The following MYLK3 variants were observed in gnomAD, a reference collection of about 807,000 sequenced individuals.
MYLK3 encodes MLC kinase.
A neutral mutation model predicts 76.3 loss-of-function variants in MYLK3; 55 were observed. The observed-to-expected ratio is 0.72, with a 90% confidence interval of 0.58 to 0.90. MYLK3 has a LOEUF of 0.90. Ranked by LOEUF, MYLK3 falls within the 40% of genes least tolerant of loss-of-function variation. The pLI is 0.00. For missense variants in MYLK3, 973 were observed against 1,053.6 expected (o/e 0.92, Z 1.06); for synonymous variants, 416 against 425.4 (o/e 0.98, Z 0.27).
In MYLK3 at chr16:46,737,811, C is replaced by G; in HGVS notation, c.901G>C (p.Gly301Arg). 6.2e-7 allele frequency: 1 copy of G among 1,613,194 alleles called. No homozygotes were observed. ...SRPDPEPLEE[G>R]TRLTPGPGPQ... ...CCAGGCCCTGGAGTCAGCCTCGTGC[C>G]TTCCTCTAAGGGCTCAGGGTCAGGC... The change falls in exon 3 of 13, where the codon GGC (glycine) becomes CGC (arginine). Residue 301 changes from glycine (G) to arginine (R), a missense_variant. Transcript: ENST00000394809.
intron 4 of MYLK3, among the ~76,000 whole-genome samples, 182 bp from the exon 5 acceptor site, chr16:46,730,880 T>C (rs186138206): frequency 6.6e-6 from 1 of 152,312 alleles, no homozygotes; most frequent in East Asian, 1.9e-4. Flanking sequence ...AGGGAGCCCG[T>C]GACAGACAGC....
At chr16:46,715,330 A>G (rs563851508) in intron 9 of MYLK3, among the ~76,000 whole-genome samples, 8 of 152,328 alleles carry the variant, frequency 5.3e-5, no homozygotes, top group Non-Finnish European at 7.3e-5. Flanking sequence ...GGATGGGAAT[A>G]AATTACTGTC....
At chr16:46,709,711 T>A in intron 11 of MYLK3, 40 bp from the exon 12 acceptor site, 1 of 1,598,730 alleles carries the variant, frequency 6.3e-7, no homozygotes, top group Non-Finnish European at 8.5e-7. Context: ...TAGTTGGAGT[T>A]GCCTTTTCTC....
At chr16:46,754,902 T>C (rs77068717) in intron 1 of MYLK3, among the ~76,000 whole-genome samples, 1 of 142,404 alleles carries the variant, frequency 7.0e-6, no homozygotes, top group South Asian at 2.2e-4. Context: ...CAATTCGTGC[T>C]TTTTTTTTTT....
intron 1 of MYLK3, among the ~76,000 whole-genome samples, chr16:46,743,705 C>G (rs975142897): frequency 1.3e-5 from 2 of 152,048 alleles, no homozygotes; most frequent in Non-Finnish European, 2.9e-5. Context: ...TCATGCAACA[C>G]GTATAACAGC....
rs189420691 is a variant in MYLK3, at chr16:46,727,463, C to T, written c.1773-86G>A. 2.9e-4 allele frequency: 418 copies of T among 1,453,238 alleles called. 1 individual carries two copies. The highest frequency in any genetic ancestry group is 1.4e-3 in the Admixed American group (61 of 45,022). 90.0% of individuals were successfully genotyped at this position (1,453,238 alleles called of 1,614,324 possible). A position where few individuals can be genotyped will look rare whatever the true frequency, so the allele number is the denominator to read the frequency against. On this transcript the variant is annotated intron_variant, in intron 7 of 12. Coordinates refer to ENST00000394809, the MANE Select transcript of MYLK3 (RefSeq NM_182493.3). ...CTGTCATTATAGGGCCAAAAGAGGC[C>T]AGCCCGGGTAGGCCCACCATCACAC...
At chr16:46,713,357 C>A (rs1966704439) in intron 9 of MYLK3, among the ~76,000 whole-genome samples, 1 of 152,038 alleles carries the variant, frequency 6.6e-6, no homozygotes, top group African/African-American at 2.4e-5. Flanking sequence ...GCCACTACAT[C>A]TGACTAATTT....
intron 1 of MYLK3, among the ~76,000 whole-genome samples, chr16:46,747,305 G>C (rs1967044800): frequency 6.6e-6 from 1 of 152,210 alleles, no homozygotes; most frequent in South Asian, 2.1e-4. Context: ...GGGACAGGAG[G>C]TGGCGGGTGG....
At position 46,712,651 on chromosome 16, in the gene MYLK3, A is replaced by T. The variant is rs2143012724; in HGVS notation, c.2111T>A (p.Met704Lys). 1.3e-6 allele frequency: 2 copies of T among 1,526,982 alleles called. No individual in the cohort carries two copies. The highest frequency in any genetic ancestry group is 1.8e-6 in the Non-Finnish European group (2 of 1,135,282). 94.6% of individuals were successfully genotyped at this position (1,526,982 alleles called of 1,614,324 possible). The change falls in exon 10 of 13, where the codon ATG becomes AAG. Residue 704 changes from methionine to lysine, a missense_variant. By Grantham distance (95) the Met-to-Lys change is moderately conservative. Around this residue, in one of 2 missense-constraint regions of MYLK3, gnomAD observed 332 missense variants for 416.6 expected, o/e 0.80. Transcript: ENST00000394809. ...AGCCAGGGTGCTAAGCACTCACAGCATGTAGGTGATGACTCCCACACTCCA... is the reference window on the plus strand; with the variant it reads ...AGCCAGGGTGCTAAGCACTCACAGCTTGTAGGTGATGACTCCCACACTCCA... ...DMWSVGVITYMLLSGLSPFLG... is the reference protein window; with the variant it reads ...DMWSVGVITYKLLSGLSPFLG...
rs1966698610 is a variant in MYLK3 at position 46,712,881 on chromosome 16, C to T, written c.1986-105G>A. On this transcript the variant is annotated intron_variant, in intron 9 of 12. Transcript: ENST00000394809. ...GCAGACATTCCCCACTTCCCATCAG[C>T]CATATGGCCTGGACTCCACACCCAC... The T allele has an allele frequency of 3.3e-6, 4 of 1,204,908 alleles. No individual in the cohort carries two copies. The South Asian group carries it at 7.6e-5, about 23-fold the overall frequency. 74.6% of individuals were successfully genotyped at this position (1,204,908 alleles called of 1,614,324 possible).
chr16:46,745,958 AAGG>A (rs1967014112), intron 1 of MYLK3, among the ~76,000 whole-genome samples: 1 of 152,170 alleles, frequency 6.6e-6, no homozygotes, highest in South Asian at 2.1e-4. Context: ...ATGGAATAGG[AAGG>A]AGATGTATGC....
chr16:46,732,633 C>A lies in MYLK3; in HGVS notation c.1037G>T (p.Gly346Val). 6.5e-7 allele frequency: 1 copy of A among 1,548,538 alleles called. No homozygotes were observed. Among genetic ancestry groups the A allele is most frequent in the South Asian group, 1.2e-5 (1 of 83,944 alleles). ...SIHIQEMDTP[G>V]EMLMTGRGSL... ...GCCCCTGCCTGTCATCAGCATCTCC[C>A]CAGGAGTATCCATCTCTTGTATGTG... is the stretch of plus-strand genomic sequence containing the variant. The change falls in exon 4 of 13, where the codon GGG becomes GTG. Residue 346 changes from glycine (G) to valine (V), a missense_variant. Physicochemically the swap from Gly to Val is moderately radical, Grantham distance 109 (BLOSUM62 -3). Coordinates refer to ENST00000394809, the MANE Select transcript of MYLK3 (RefSeq NM_182493.3).
chr16:46,747,192 C>T (rs1304923726), intron 1 of MYLK3, among the ~76,000 whole-genome samples: 2 of 152,226 alleles, frequency 1.3e-5, no homozygotes, highest in Admixed American at 1.3e-4. Flanking sequence ...CCTCCACCCC[C>T]AGGCTCCGGC....
rs1471402713 is a variant in MYLK3 at position 46,709,637 on chromosome 16, C to T, written c.2302G>A (p.Glu768Lys). Residue 768 changes from glutamate (E) to lysine (K), a missense_variant, in exon 12 of 13, where the codon GAG (glutamate) becomes AAG (lysine). Coordinates refer to ENST00000394809, the MANE Select transcript of MYLK3 (RefSeq NM_182493.3). ...RMSATQCLKHEWLNNLPAKAS... is the reference protein window; with the variant it reads ...RMSATQCLKHKWLNNLPAKAS... ...TTGGCAGGCAAATTATTCAGCCACTCGTGTTTCAGGCACTGTGTGGCACTC... is the reference window on the plus strand; with the variant it reads ...TTGGCAGGCAAATTATTCAGCCACTTGTGTTTCAGGCACTGTGTGGCACTC... 1.9e-6 allele frequency: 3 copies of T among 1,614,122 alleles called. No individual in the cohort carries two copies. Among genetic ancestry groups the T allele is most frequent in the South Asian group, 1.1e-5 (1 of 91,072 alleles).
chr16:46,728,026 TA>T (rs1350849905), intron 7 of MYLK3, among the ~76,000 whole-genome samples: 1 of 152,252 alleles, frequency 6.6e-6, no homozygotes, highest in African/African-American at 2.4e-5. Flanking sequence ...GGCATAAGCC[TA>T]AATGGGCCAA....
At chr16:46,760,386 C>T (rs186754998) in intron 1 of MYLK3, among the ~76,000 whole-genome samples, 5 of 152,340 alleles carry the variant, frequency 3.3e-5, no homozygotes, top group Middle Eastern at 3.4e-3. Flanking sequence ...TCAGCCCTAC[C>T]GTGGGCAGGC....
In MYLK3 at chr16:46,703,938, G is replaced by A. The variant is rs1966601171; in HGVS notation, c.*3766C>T. The A allele has an allele frequency of 6.5e-6, 1 of 153,710 alleles. No individual in the cohort carries two copies. The allele number at this position is 153,710 out of a possible 1,614,324, so 9.5% of individuals were successfully genotyped here. A position where few individuals can be genotyped will look rare whatever the true frequency, so the allele number is the denominator to read the frequency against. ...CTAATTTTATTTAATTTTAATACAT[G>A]TAAAAGTGGATACTTCAGTTATTGG... On this transcript the variant is annotated 3_prime_UTR_variant, in exon 13 of 13. Transcript: ENST00000394809.
intron 3 of MYLK3, among the ~76,000 whole-genome samples, chr16:46,736,644 C>A (rs1419355795): frequency 6.6e-6 from 1 of 152,172 alleles, no homozygotes; most frequent in African/African-American, 2.4e-5. Flanking sequence ...CTGGGAGGCT[C>A]CCATTTCCTC....
In MYLK3 at chr16:46,707,265, A is replaced by G. The variant is rs1381111104; in HGVS notation, c.*439T>C. On this transcript the variant is annotated 3_prime_UTR_variant, in exon 13 of 13. Coordinates refer to ENST00000394809, the MANE Select transcript of MYLK3 (RefSeq NM_182493.3). ...TGGCTTAACACAAGAATGGGGTAGTACAATAAAATGTCAGCTCACACCTGA... is the reference window on the plus strand; with the variant it reads ...TGGCTTAACACAAGAATGGGGTAGTGCAATAAAATGTCAGCTCACACCTGA... 2.6e-5 allele frequency: 4 copies of G among 153,970 alleles called. No homozygotes were observed. The highest frequency in any genetic ancestry group is 5.8e-5 in the Non-Finnish European group (4 of 69,366). The allele number at this position is 153,970 out of a possible 1,614,324, so 9.5% of individuals were successfully genotyped here.
Sources: allele counts gnomAD v4.1 joint callset (sites outside exome capture counted in the v4.1 genomes callset), GRCh38; gene constraint gnomAD v4.1.1; regional missense constraint gnomAD v4.1.1; transcripts MANE v1.5; gene names NCBI Gene and HGNC (gene_info 2026-07-23, HGNC 2026-07-21).